The following AGAP1 variants were observed in gnomAD, a reference collection of about 807,000 sequenced individuals.
AGAP1 encodes ArfGAP with GTPase domain, ankyrin repeat and PH domain 1, also known as arf-GAP with GTPase, ANK repeat and PH domain-containing protein 1.
A neutral mutation model predicts 105.3 loss-of-function variants in AGAP1; 29 were observed. The observed-to-expected ratio is 0.28, with a 90% confidence interval of 0.21 to 0.38. The LOEUF (loss-of-function observed/expected upper bound fraction) is 0.38, where lower values mean the gene tolerates loss of function less well. Ranked by LOEUF, AGAP1 falls within the 10% of genes least tolerant of loss-of-function variation. The pLI is 1.00. For missense variants in AGAP1, 998 were observed against 1,165.1 expected, an observed-to-expected ratio of 0.86 and a Z score of 2.09; for synonymous variants, 509 against 485.9, an observed-to-expected ratio of 1.05 and a Z score of -0.63.
chr2:235,670,437 G>A (rs1948331111), intron 1 of AGAP1: 3 of 552,020 alleles, frequency 5.4e-6, no homozygotes, highest in South Asian at 2.0e-5. Flanking sequence ...CCGTGCGCAC[G>A]CGGCCTGGAA....
intron 11 of AGAP1, among the ~76,000 whole-genome samples, chr2:235,916,114 T>C (rs1250450114): frequency 6.6e-6 from 1 of 152,188 alleles, no homozygotes; most frequent in Non-Finnish European, 1.5e-5. Context: ...TACAGGGTTA[T>C]ACAACATCTC....
rs1380055736 is a variant in AGAP1, at chr2:235,919,775, G to A, written c.1324+10869G>A. 2.0e-5 allele frequency among the ~76,000 whole-genome samples: 3 copies of A among 152,154 alleles called. No homozygotes were observed. The highest frequency in any genetic ancestry group is 2.1e-4 in the South Asian group (1 of 4,830). On this transcript the variant is annotated intron_variant, in intron 11 of 17. Coordinates refer to ENST00000304032, the MANE Select transcript of AGAP1 (RefSeq NM_001037131.3). This position sits in a 1 kb window ranked among gnomAD's most constrained non-coding sequence, Gnocchi z 4.1. ...GAAAGAATATTGTAAAGATGGAACC[G>A]TTATTCATGGCAAAGGAAGACACCA... is the stretch of plus-strand genomic sequence containing the variant.
In AGAP1 at chr2:236,101,168, C is replaced by T. The variant is rs1359164512; in HGVS notation, c.2115-19024C>T. The stretch of plus-strand genomic sequence containing the variant: ...GGTTATTCCCCACTCCCATGCCTGT[C>T]CTCTCTTAAAATCTCTGTTGTTGGT... On this transcript the variant is annotated intron_variant, in intron 16 of 17. Coordinates refer to ENST00000304032, the MANE Select transcript of AGAP1 (RefSeq NM_001037131.3). This position sits in a 1 kb window ranked among gnomAD's most constrained non-coding sequence, Gnocchi z 4.9. Among the ~76,000 whole-genome samples, 3 of 152,126 alleles carry T rather than the reference C, an allele frequency of 2.0e-5. No individual in the cohort carries two copies. The highest frequency in any genetic ancestry group is 4.4e-5 in the Non-Finnish European group (3 of 68,024).
In AGAP1 at chr2:235,559,018, G is replaced by C. The variant is rs1944063908; in HGVS notation, c.163+64169G>C. 6.6e-6 allele frequency among the ~76,000 whole-genome samples: 1 copy of C among 152,076 alleles called. No individual in the cohort carries two copies. Among genetic ancestry groups the C allele is most frequent in the Non-Finnish European group, 1.5e-5 (1 of 68,016 alleles). On this transcript the variant is annotated intron_variant, in intron 1 of 17. Transcript: ENST00000304032. This position sits in a 1 kb window ranked among gnomAD's most constrained non-coding sequence, Gnocchi z 5.7. ...GCTCACTGCAGCCTTCGCCTCCCAG[G>C]CTCAAGAAATTCTCCCACCTCAGCC...
At chr2:235,945,593 A>AC in intron 12 of AGAP1, among the ~76,000 whole-genome samples, 1 of 151,694 alleles carries the variant, frequency 6.6e-6, no homozygotes, top group South Asian at 2.1e-4. Context: ...CCTAATAAAA[A>AC]AATTAAATTT....
intron 3 of AGAP1, among the ~76,000 whole-genome samples, chr2:235,717,886 C>T (rs1951199270): frequency 6.6e-6 from 1 of 152,182 alleles, no homozygotes; most frequent in Admixed American, 6.5e-5. Context: ...TATTTCTTAT[C>T]TAATTGTTCT....
rs1043516620 is a variant in AGAP1 at position 235,596,953 on chromosome 2, G to T, written c.163+102104G>T. Among the ~76,000 whole-genome samples, 1 of 152,146 alleles carries T rather than the reference G, an allele frequency of 6.6e-6. No individual in the cohort carries two copies. Among genetic ancestry groups the T allele is most frequent in the East Asian group, 1.9e-4 (1 of 5,178 alleles). On this transcript the variant is annotated intron_variant, in intron 1 of 17. Transcript: ENST00000304032. This position sits in a 1 kb window ranked among gnomAD's most constrained non-coding sequence, Gnocchi z 5.9. ...GGAGATATGGCTTCTGCAGGAAGAG[G>T]CCTCACCAGGAACCAAATTGACCAG... is the stretch of plus-strand genomic sequence containing the variant.
At chr2:235,564,413 T>A (rs988005667) in intron 1 of AGAP1, among the ~76,000 whole-genome samples, 1 of 152,204 alleles carries the variant, frequency 6.6e-6, no homozygotes, top group Non-Finnish European at 1.5e-5. Flanking sequence ...GGATTTTAGT[T>A]GCTCAGGCCA....
chr2:235,852,614 A>G, intron 9 of AGAP1: 1 of 1,307,594 alleles, frequency 7.6e-7, no homozygotes, highest in South Asian at 2.2e-5. Context: ...TTGAGTTTAT[A>G]ATTAATTAGC....
intron 16 of AGAP1, among the ~76,000 whole-genome samples, chr2:236,074,790 C>T (rs1281281735): frequency 6.6e-6 from 1 of 152,174 alleles, no homozygotes. Context: ...CATGGTGGCT[C>T]ATGCCTGTAA....
In AGAP1 at chr2:235,549,704, G is replaced by C. The variant is rs1943741161; in HGVS notation, c.163+54855G>C. 6.6e-6 allele frequency among the ~76,000 whole-genome samples: 1 copy of C among 152,074 alleles called. No individual in the cohort carries two copies. Among genetic ancestry groups the C allele is most frequent in the Non-Finnish European group, 1.5e-5 (1 of 68,024 alleles). On this transcript the variant is annotated intron_variant, in intron 1 of 17. Transcript: ENST00000304032. The surrounding 1 kb of genome is among the most constrained non-coding windows in gnomAD (Gnocchi z 4.2). ...CCTGGCAAATGTATTGATACTTTAC[G>C]AGCATTCACATGCATTTAAGAGTGC...
Position 235,872,524 on chromosome 2 carries a change from C to A in AGAP1, c.1051-10821C>A, listed in dbSNP as rs2049494849. ...GGCACTCACTGACAGGAACTCTCTT[C>A]CTGAGCATCTCAGGCAGAGCCTTCC... On this transcript the variant is annotated intron_variant, in intron 9 of 17. Coordinates refer to ENST00000304032, the MANE Select transcript of AGAP1 (RefSeq NM_001037131.3). This position sits in a 1 kb window ranked among gnomAD's most constrained non-coding sequence, Gnocchi z 4.5. 6.6e-6 allele frequency among the ~76,000 whole-genome samples: 1 copy of A among 152,188 alleles called. No individual in the cohort carries two copies. Among genetic ancestry groups the A allele is most frequent in the African/African-American group, 2.4e-5 (1 of 41,458 alleles).
Position 235,608,305 on chromosome 2 carries a change from A to G in AGAP1, c.164-100874A>G, listed in dbSNP as rs1302431542. ...GGCTGGATCCATGGCCGTATTCTGT[A>G]AAATTCCATTGTGTCTTTTTTTCCC... On this transcript the variant is annotated intron_variant, in intron 1 of 17. Transcript: ENST00000304032. The surrounding 1 kb of genome is among the most constrained non-coding windows in gnomAD (Gnocchi z 5.4). 6.6e-6 allele frequency among the ~76,000 whole-genome samples: 1 copy of G among 152,186 alleles called. No homozygotes were observed. Among genetic ancestry groups the G allele is most frequent in the Non-Finnish European group, 1.5e-5 (1 of 68,032 alleles).
At chr2:236,047,496 A>G (rs2057756956) in intron 15 of AGAP1, among the ~76,000 whole-genome samples, 1 of 144,696 alleles carries the variant, frequency 6.9e-6, no homozygotes, top group South Asian at 2.2e-4. Flanking sequence ...GAGTCTCTGC[A>G]TTTCTCTGTT....
chr2:235,672,773 C>T (rs1228866548), intron 1 of AGAP1, among the ~76,000 whole-genome samples: 3 of 152,178 alleles, frequency 2.0e-5, no homozygotes, highest in Admixed American at 2.0e-4. Context: ...AGAGAGAATG[C>T]ATTTCATTGT....
intron 1 of AGAP1, among the ~76,000 whole-genome samples, chr2:235,533,474 G>A (rs1043161551): frequency 6.6e-5 from 10 of 152,166 alleles, no homozygotes; most frequent in South Asian, 2.1e-4. Flanking sequence ...ATAGGAAGAA[G>A]CATGTCAGAT....
chr2:235,573,705 C>T (rs1040000838), intron 1 of AGAP1, among the ~76,000 whole-genome samples: 5 of 151,528 alleles, frequency 3.3e-5, no homozygotes, highest in African/African-American at 9.8e-5. Context: ...GGCATGAGTG[C>T]GCCCCATGAG....
rs2049696148 is a variant in AGAP1 at position 235,875,764 on chromosome 2, C to T, written c.1051-7581C>T. Among the ~76,000 whole-genome samples, 1 of 152,100 alleles carries T rather than the reference C, an allele frequency of 6.6e-6. No individual in the cohort carries two copies. Among genetic ancestry groups the T allele is most frequent in the African/African-American group, 2.4e-5 (1 of 41,412 alleles). On this transcript the variant is annotated intron_variant, in intron 9 of 17. Coordinates refer to ENST00000304032, the MANE Select transcript of AGAP1 (RefSeq NM_001037131.3). The surrounding 1 kb of genome is among the most constrained non-coding windows in gnomAD (Gnocchi z 4.0). ...CACAGATACCTACACTTCCCACTGC[C>T]CGACAGTACGTGCAGTGATTTTGAT...
At chr2:235,710,275 A>T (rs955878375) in intron 2 of AGAP1, among the ~76,000 whole-genome samples, 1 of 152,194 alleles carries the variant, frequency 6.6e-6, no homozygotes, top group African/African-American at 2.4e-5. Flanking sequence ...TGAGATGAGG[A>T]GATAGAGCAA....
Sources: allele counts gnomAD v4.1 joint callset (sites outside exome capture counted in the v4.1 genomes callset), GRCh38; gene constraint gnomAD v4.1.1; non-coding constraint Gnocchi (gnomAD v3.1); transcripts MANE v1.5; gene names NCBI Gene and HGNC (gene_info 2026-07-23, HGNC 2026-07-21).